AP1B1: variants seen among roughly 807,000 people sequenced by gnomAD.
AP1B1 encodes the protein adaptor related protein complex 1 subunit beta 1.
In AP1B1, 36 loss-of-function variants were observed where a neutral mutation model predicts 104.3. The observed-to-expected ratio is 0.35, with a 90% confidence interval of 0.26 to 0.46. The LOEUF (loss-of-function observed/expected upper bound fraction) is 0.46. AP1B1 is among the 20% of genes least tolerant of loss of function. The pLI is 1.00. For synonymous variants in AP1B1, 504 were observed against 517.5 expected, an observed-to-expected ratio of 0.97 and a Z score of 0.35; for missense variants, 901 against 1,247.9, an observed-to-expected ratio of 0.72 and a Z score of 4.19.
intron 2 of AP1B1, 135 bp downstream of exon 2, chr22:29,367,072 C>T (rs2062154528): frequency 9.6e-6 from 7 of 727,096 alleles, no homozygotes; most frequent in Non-Finnish European, 1.7e-5. Context: ...CTAGATCTAC[C>T]ACAAGCTCTA....
rs1034842595 is a variant in AP1B1 at position 29,328,586 on chromosome 22, A to T, written c.*235T>A. 2 of 518,918 alleles carry T rather than the reference A, an allele frequency of 3.9e-6. No homozygotes were observed. The highest frequency in any genetic ancestry group is 6.9e-6 in the Non-Finnish European group (2 of 288,010). The allele number at this position is 518,918 out of a possible 1,614,324, so 32.1% of individuals were successfully genotyped here. ...TGGTCCCCACCTCACTTAACCCCAC[A>T]TCACAGCCACAGGAGCAGGGGTGTC... is the stretch of plus-strand genomic sequence containing the variant. On this transcript the variant is annotated 3_prime_UTR_variant, in exon 23 of 23. Coordinates refer to ENST00000357586, the MANE Select transcript of AP1B1 (RefSeq NM_001127.4). The surrounding 1 kb of genome is among the most constrained non-coding windows in gnomAD (Gnocchi z 4.1).
chr22:29,342,249 C>T (rs1403686098), intron 12 of AP1B1, 36 bp downstream of exon 12: 1 of 1,548,830 alleles, frequency 6.5e-7, no homozygotes, highest in East Asian at 2.3e-5. Context: ...TGAGTGAGGG[C>T]TATGCTGGGC....
chr22:29,364,240 T>C (rs1334947980), intron 2 of AP1B1, among the ~76,000 whole-genome samples: 2 of 152,160 alleles, frequency 1.3e-5, no homozygotes. Flanking sequence ...TGCTCAGCTC[T>C]GAAAACAGGA....
At chr22:29,331,104 C>T (rs926624038) in intron 19 of AP1B1, among the ~76,000 whole-genome samples, 6 of 152,332 alleles carry the variant, frequency 3.9e-5, no homozygotes, top group Middle Eastern at 3.4e-3. Flanking sequence ...GATCAACACC[C>T]TTCTTGGGGG....
intron 1 of AP1B1, among the ~76,000 whole-genome samples, chr22:29,369,101 A>T (rs2062189900): frequency 6.6e-6 from 1 of 152,314 alleles, no homozygotes; most frequent in Admixed American, 6.5e-5. Context: ...GGACTCAAAC[A>T]AATAACCCAC....
chr22:29,369,102 A>T (rs2062190003), intron 1 of AP1B1, among the ~76,000 whole-genome samples: 1 of 152,302 alleles, frequency 6.6e-6, no homozygotes, highest in Admixed American at 6.5e-5. Flanking sequence ...GACTCAAACA[A>T]ATAACCCACC....
intron 5 of AP1B1, among the ~76,000 whole-genome samples, chr22:29,358,477 T>C (rs550527556): frequency 3.3e-4 from 50 of 152,124 alleles, no homozygotes; most frequent in Non-Finnish European, 6.2e-4. Context: ...ATCTCACTGA[T>C]GAAGAAAAGA....
intron 8 of AP1B1, 160 bp from the exon 9 acceptor site, chr22:29,351,426 A>G: frequency 1.1e-6 from 1 of 933,028 alleles, no homozygotes; most frequent in Non-Finnish European, 1.7e-6. Context: ...GTGCCTGAAA[A>G]GGAAAGAAGG....
intron 1 of AP1B1, among the ~76,000 whole-genome samples, chr22:29,371,787 G>A (rs1402720514): frequency 1.3e-5 from 2 of 152,046 alleles, no homozygotes; most frequent in African/African-American, 4.8e-5. Context: ...TTCCATCTTT[G>A]GAAGTGTCAG....
Position 29,340,224 on chromosome 22 carries a change from C to G in AP1B1, c.1998+432G>C, listed in dbSNP as rs540511979. Among the ~76,000 whole-genome samples, 21 of 152,338 alleles carry G rather than the reference C, an allele frequency of 1.4e-4. 1 individual carries two copies. The South Asian group carries it at 4.4e-3, about 32-fold the overall frequency. ...CTCTCCCCGGCCTCCCATGCCCTCT[C>G]AAATAGGCCTGGATGGGCTGCTATT... On this transcript the variant is annotated intron_variant, in intron 14 of 22. Coordinates refer to ENST00000357586, the MANE Select transcript of AP1B1 (RefSeq NM_001127.4).
intron 11 of AP1B1, among the ~76,000 whole-genome samples, chr22:29,343,928 T>A (rs1191269062): frequency 6.6e-6 from 1 of 152,020 alleles, no homozygotes; most frequent in African/African-American, 2.4e-5. Context: ...CTGGCCAACA[T>A]GGTGAAACCC....
At chr22:29,338,763 A>G (rs960144640) in intron 16 of AP1B1, among the ~76,000 whole-genome samples, 2 of 152,022 alleles carry the variant, frequency 1.3e-5, no homozygotes, top group African/African-American at 2.4e-5. Context: ...TGGAGCCCCT[A>G]TCCGCTTTTG....
intron 11 of AP1B1, among the ~76,000 whole-genome samples, chr22:29,343,614 G>A (rs776311704): frequency 4.6e-5 from 7 of 152,210 alleles, no homozygotes; most frequent in Non-Finnish European, 8.8e-5. Flanking sequence ...CCTACTTCAG[G>A]GATTCTTGTG....
intron 14 of AP1B1, among the ~76,000 whole-genome samples, chr22:29,340,203 C>A (rs2061693736): frequency 6.6e-6 from 1 of 152,232 alleles, no homozygotes; most frequent in Admixed American, 6.5e-5. Flanking sequence ...TCCCCTCTCT[C>A]CCCGGCCTCC....
intron 1 of AP1B1, among the ~76,000 whole-genome samples, chr22:29,368,342 C>T (rs1487231266): frequency 6.6e-6 from 1 of 152,076 alleles, no homozygotes; most frequent in Non-Finnish European, 1.5e-5. Context: ...TGAAGCTCTG[C>T]CATTCATTTA....
intron 2 of AP1B1, among the ~76,000 whole-genome samples, chr22:29,366,590 T>C (rs1429046672): frequency 6.6e-6 from 1 of 151,868 alleles, no homozygotes; most frequent in Non-Finnish European, 1.5e-5. Flanking sequence ...ATCAGCGCCA[T>C]TGCACTCCAG....
At chr22:29,359,104 T>C in intron 4 of AP1B1, 133 bp from the exon 5 acceptor site, 1 of 893,928 alleles carries the variant, frequency 1.1e-6, no homozygotes, top group Non-Finnish European at 1.7e-6. Flanking sequence ...CTTCACCAAC[T>C]ACAGCCAACA....
At chr22:29,373,817 G>A (rs2062284256) in intron 1 of AP1B1, among the ~76,000 whole-genome samples, 1 of 151,418 alleles carries the variant, frequency 6.6e-6, no homozygotes, top group Non-Finnish European at 1.5e-5. Context: ...CACAAGAATC[G>A]CTTGAACCTA....
chr22:29,383,592 C>G (rs2062472100), intron 1 of AP1B1, among the ~76,000 whole-genome samples: 1 of 151,592 alleles, frequency 6.6e-6, no homozygotes, highest in African/African-American at 2.4e-5. Context: ...GCCTGTAATC[C>G]CAGCTACTCA....
Sources: gnomAD v4.1 joint callset for allele counts (sites outside exome capture counted in the v4.1 genomes callset) on GRCh38, gnomAD v4.1.1 for gene constraint, Gnocchi (gnomAD v3.1) non-coding constraint, MANE v1.5 for transcripts, NCBI Gene and HGNC (gene_info 2026-07-23, HGNC 2026-07-21) for gene names.